COL23A1: variants seen among roughly 807,000 people sequenced by gnomAD.
The protein encoded by COL23A1 is collagen type XXIII alpha 1 chain, also known as collagen alpha-1(XXIII) chain.
COL23A1 carries 97 observed loss-of-function variants against 99.3 expected under a neutral mutation model. That is an observed-to-expected ratio of 0.98 (90% CI 0.83 to 1.16). The LOEUF is 1.16. Ranked by LOEUF, COL23A1 falls within the 50% of genes most tolerant of loss-of-function variation. COL23A1 has a pLI of 0.00. For synonymous variants in COL23A1, 320 were observed against 308.2 expected (o/e 1.04, Z -0.40); for missense variants, 762 against 757.4 (o/e 1.01, Z -0.07).
At chr5:178,275,351 G>A (rs1756525095) in intron 5 of COL23A1, among the ~76,000 whole-genome samples, 1 of 152,230 alleles carries the variant, frequency 6.6e-6, no homozygotes, top group Non-Finnish European at 1.5e-5. Flanking sequence ...GCCGGCAGCA[G>A]GACCCTGGAC....
chr5:178,338,411 A>C (rs1336249615), intron 2 of COL23A1, among the ~76,000 whole-genome samples: 1 of 152,228 alleles, frequency 6.6e-6, no homozygotes, highest in Non-Finnish European at 1.5e-5. Flanking sequence ...CAGGACTCTC[A>C]GCAAGGACTG....
intron 2 of COL23A1, among the ~76,000 whole-genome samples, chr5:178,326,347 G>T (rs934004735): frequency 6.6e-6 from 1 of 151,414 alleles, no homozygotes; most frequent in Admixed American, 6.6e-5. Flanking sequence ...TACCCTCCAT[G>T]AAAGCCATCG....
At chr5:178,487,356 G>A (rs1396276788) in intron 2 of COL23A1, among the ~76,000 whole-genome samples, 1 of 150,780 alleles carries the variant, frequency 6.6e-6, no homozygotes, top group Admixed American at 6.6e-5. Flanking sequence ...TTTCGCTCTT[G>A]TTGCCCAGGC....
intron 2 of COL23A1, among the ~76,000 whole-genome samples, chr5:178,536,928 C>T (rs867270096): frequency 7.2e-5 from 11 of 152,312 alleles, no homozygotes; most frequent in Middle Eastern, 3.4e-3. Flanking sequence ...GGTTCTACCA[C>T]GGGGCCTGCA....
Position 178,257,582 on chromosome 5 carries a change from C to G in COL23A1, c.730-15G>C. On this transcript the variant is annotated splice_polypyrimidine_tract_variant and intron_variant, in intron 12 of 28. Transcript: ENST00000390654. ...CCATCGTCGCCCTGAGGAGAGGACACCTGGGGCTTGCCGGTCAGACCCTCG... is the reference window on the plus strand; with the variant it reads ...CCATCGTCGCCCTGAGGAGAGGACAGCTGGGGCTTGCCGGTCAGACCCTCG... The G allele has an allele frequency of 6.4e-7, 1 of 1,553,918 alleles. No homozygotes were observed.
intron 1 of COL23A1, among the ~76,000 whole-genome samples, chr5:178,573,437 A>C (rs1763204757): frequency 6.6e-6 from 1 of 152,146 alleles, no homozygotes; most frequent in South Asian, 2.1e-4. Context: ...TTTCTCTAAG[A>C]ATGTGGGTTT....
At chr5:178,326,016 G>A (rs555882377) in intron 2 of COL23A1, among the ~76,000 whole-genome samples, 2 of 152,266 alleles carry the variant, frequency 1.3e-5, no homozygotes, top group Non-Finnish European at 2.9e-5. Flanking sequence ...CCTAGTAAAC[G>A]GCTCTTAACC....
intron 20 of COL23A1, 120 bp downstream of exon 20, chr5:178,248,072 C>A: frequency 1.3e-6 from 1 of 776,266 alleles, no homozygotes. Context: ...CCCTTACTCT[C>A]CCTCCCCTAC....
chr5:178,365,052 A>G lies in COL23A1; in HGVS notation c.362-58133T>C, dbSNP rs934373937. Among the ~76,000 whole-genome samples the G allele has an allele frequency of 1.4e-4, 22 of 152,314 alleles. No homozygotes were observed. The highest frequency in any genetic ancestry group is 3.4e-3 in the Middle Eastern group (1 of 294). On this transcript the variant is annotated intron_variant, in intron 2 of 28. Coordinates refer to ENST00000390654, the MANE Select transcript of COL23A1 (RefSeq NM_173465.4). This position sits in a 1 kb window ranked among gnomAD's most constrained non-coding sequence, Gnocchi z 5.2. ...AATAAACAGATGCACAAGCAGATAC[A>G]GCAGTAAAGAATAAACCGTAGGGGC...
At position 178,257,658 on chromosome 5, in the gene COL23A1, C is replaced by T. The variant is rs1581466542; in HGVS notation, c.730-91G>A. 6 of 1,301,228 alleles carry T rather than the reference C, an allele frequency of 4.6e-6. No homozygotes were observed. The East Asian group carries it at 1.5e-4, about 33-fold the overall frequency. 80.6% of individuals were successfully genotyped at this position (1,301,228 alleles called of 1,614,324 possible). On this transcript the variant is annotated intron_variant, in intron 12 of 28. Transcript: ENST00000390654. ...CTGGACTTCCCAGCACACCAGTCTG[C>T]TCCTGGCATCTGCACTGGCACATGG...
chr5:178,244,469 T>TGACA (rs1764568138), intron 25 of COL23A1, among the ~76,000 whole-genome samples: 3 of 152,322 alleles, frequency 2.0e-5, no homozygotes, highest in Middle Eastern at 3.4e-3. Flanking sequence ...TATGGCTAAG[T>TGACA]GACAGTTCAG....
intron 2 of COL23A1, among the ~76,000 whole-genome samples, chr5:178,361,195 A>G (rs1762156252): frequency 6.6e-6 from 1 of 152,186 alleles, no homozygotes; most frequent in African/African-American, 2.4e-5. Context: ...ACTACCACAA[A>G]AGGAAAACCA....
chr5:178,513,208 G>A (rs140133123), intron 2 of COL23A1, among the ~76,000 whole-genome samples: 224 of 152,300 alleles, frequency 1.5e-3, no homozygotes, highest in African/African-American at 5.2e-3. Flanking sequence ...AGAGGTGGTG[G>A]CGATAATAGC....
intron 13 of COL23A1, 30 bp from the exon 14 acceptor site, chr5:178,256,958 A>G: frequency 5.0e-6 from 8 of 1,609,492 alleles, no homozygotes; most frequent in Non-Finnish European, 6.8e-6. Flanking sequence ...AGTGAGAGCA[A>G]GTGTGAGACG....
chr5:178,261,859 A>C, intron 10 of COL23A1, 111 bp from the exon 11 acceptor site: 1 of 951,028 alleles, frequency 1.1e-6, no homozygotes. Context: ...AGAGAGCAGG[A>C]GGCTGGGCTG....
At chr5:178,296,805 A>G (rs1176987255) in intron 3 of COL23A1, among the ~76,000 whole-genome samples, 2 of 152,106 alleles carry the variant, frequency 1.3e-5, no homozygotes, top group Non-Finnish European at 2.9e-5. Context: ...AAGCTCATCT[A>G]CAAGACTTTA....
chr5:178,555,716 G>A (rs1762235285), intron 2 of COL23A1, among the ~76,000 whole-genome samples: 1 of 152,222 alleles, frequency 6.6e-6, no homozygotes, highest in Non-Finnish European at 1.5e-5. Flanking sequence ...CCACAGGGCA[G>A]TTATTTACAA....
intron 2 of COL23A1, among the ~76,000 whole-genome samples, chr5:178,423,416 T>C (rs1488188941): frequency 6.6e-6 from 1 of 152,138 alleles, no homozygotes; most frequent in African/African-American, 2.4e-5. Context: ...TGATCTATGG[T>C]GTACGGTAAT....
chr5:178,383,828 T>G (rs1581273516), intron 2 of COL23A1, among the ~76,000 whole-genome samples: 1 of 143,110 alleles, frequency 7.0e-6, no homozygotes, highest in African/African-American at 2.6e-5. Flanking sequence ...TGTGGTCACC[T>G]CCCCGTGGCC....
Sources: gnomAD v4.1 joint callset for allele counts (sites outside exome capture counted in the v4.1 genomes callset) on GRCh38, gnomAD v4.1.1 for gene constraint, Gnocchi (gnomAD v3.1) non-coding constraint, MANE v1.5 for transcripts, NCBI Gene and HGNC (gene_info 2026-07-23, HGNC 2026-07-21) for gene names.